PLXNA4: variants seen among roughly 807,000 people sequenced by gnomAD.
PLXNA4 encodes the protein plexin-A4.
PLXNA4 carries 44 observed loss-of-function variants against 191.8 expected under a neutral mutation model. The observed-to-expected ratio is 0.23, with a 90% CI of 0.18 to 0.29. The LOEUF is 0.29. PLXNA4 is among the 10% of genes least tolerant of loss of function. The pLI, the probability that PLXNA4 is intolerant of heterozygous loss-of-function variation, is 1.00. For missense variants in PLXNA4, 1,800 were observed against 2,488.8 expected, an observed-to-expected ratio of 0.72 and a Z score of 5.89; for synonymous variants, 1,082 against 1,009.5, an observed-to-expected ratio of 1.07 and a Z score of -1.36.
chr7:132,170,508 T>C (rs1490847643), intron 21 of PLXNA4, among the ~76,000 whole-genome samples: 2 of 152,152 alleles, frequency 1.3e-5, no homozygotes, highest in African/African-American at 2.4e-5. Flanking sequence ...CTGGGAAAAA[T>C]GGAGATGGCC....
At chr7:132,581,333 A>G (rs1446722826), upstream of PLXNA4, among the ~76,000 whole-genome samples, 1 of 152,236 alleles carries the variant, frequency 6.6e-6, no homozygotes, top group African/African-American at 2.4e-5. Context: ...AGTAGACCCA[A>G]CTGTTCCAGG....
intron 1 of PLXNA4, among the ~76,000 whole-genome samples, chr7:132,560,893 G>A (rs1801009475): frequency 6.6e-6 from 1 of 152,032 alleles, no homozygotes; most frequent in African/African-American, 2.4e-5. Flanking sequence ...TCTCTCCTTT[G>A]CCACCCCCTT....
chr7:132,450,846 C>T (rs1290392125), intron 3 of PLXNA4, among the ~76,000 whole-genome samples: 1 of 152,182 alleles, frequency 6.6e-6, no homozygotes, highest in Non-Finnish European at 1.5e-5. Context: ...GCTCCCTGAG[C>T]AAGTCGGAGG....
At chr7:132,614,862 TGC>T (rs1803120799) in intron 2 of PLXNA4, among the ~76,000 whole-genome samples, 1 of 152,172 alleles carries the variant, frequency 6.6e-6, no homozygotes, top group Admixed American at 6.5e-5. Flanking sequence ...GAAGCAGATG[TGC>T]AGAGAGGCGG....
chr7:132,492,896 T>A (rs1563131258), intron 2 of PLXNA4, among the ~76,000 whole-genome samples: 1 of 152,032 alleles, frequency 6.6e-6, no homozygotes, highest in Non-Finnish European at 1.5e-5. Flanking sequence ...GGAACAGGGG[T>A]AGAATGGCTG....
chr7:132,498,055 A>G (rs1057453236), intron 2 of PLXNA4, among the ~76,000 whole-genome samples: 1 of 152,188 alleles, frequency 6.6e-6, no homozygotes, highest in African/African-American at 2.4e-5. Flanking sequence ...CCTTGGCTTC[A>G]CTTTCCATGG....
At chr7:132,199,412 GTCAAAGT>G (rs1386638197) in intron 12 of PLXNA4, among the ~76,000 whole-genome samples, 3 of 152,140 alleles carry the variant, frequency 2.0e-5, no homozygotes, top group African/African-American at 7.2e-5. Context: ...TCGTACACAG[GTCAAAGT>G]GTACTGGCTT....
chr7:132,479,222 T>G (rs1302663354), intron 3 of PLXNA4, among the ~76,000 whole-genome samples: 1 of 150,762 alleles, frequency 6.6e-6, no homozygotes, highest in African/African-American at 2.4e-5. Context: ...TGAGTTAGGA[T>G]AGCACCACTT....
intron 4 of PLXNA4, among the ~76,000 whole-genome samples, chr7:132,253,678 G>A (rs1308356045): frequency 6.6e-6 from 1 of 152,128 alleles, no homozygotes; most frequent in Non-Finnish European, 1.5e-5. Context: ...CCATGGGGGA[G>A]TTTTCTCCTT....
chr7:132,431,662 C>A (rs1006186570), intron 3 of PLXNA4, among the ~76,000 whole-genome samples: 1 of 152,136 alleles, frequency 6.6e-6, no homozygotes, highest in African/African-American at 2.4e-5. Context: ...CTCATGCTCA[C>A]GATTTAGGCC....
intron 3 of PLXNA4, among the ~76,000 whole-genome samples, chr7:132,452,140 A>G (rs561221636): frequency 6.6e-6 from 1 of 152,368 alleles, no homozygotes; most frequent in African/African-American, 2.4e-5. Flanking sequence ...GTAGAGAAAG[A>G]AGATGTTTTC....
intron 3 of PLXNA4, among the ~76,000 whole-genome samples, chr7:132,335,071 C>T (rs1256665660): frequency 1.3e-5 from 2 of 152,162 alleles, no homozygotes; most frequent in African/African-American, 4.8e-5. Context: ...TGAAGTCAAA[C>T]TTGATACTCC....
At chr7:132,305,799 CA>C (rs1351343201) in intron 3 of PLXNA4, among the ~76,000 whole-genome samples, 2 of 152,148 alleles carry the variant, frequency 1.3e-5, no homozygotes, top group Admixed American at 6.5e-5. Context: ...CCCTAATGAG[CA>C]AACAGTGCTA....
At chr7:132,155,654 C>T (rs1034420519) in intron 25 of PLXNA4, among the ~76,000 whole-genome samples, 1 of 152,126 alleles carries the variant, frequency 6.6e-6, no homozygotes. Flanking sequence ...GGGCACTGTG[C>T]CTTAGAGCTC....
Position 132,588,742 on chromosome 7 carries a change from AAGAAAGAG to A in PLXNA4, c.-87+57178_-87+57185del, listed in dbSNP as rs1304129522. Among the ~76,000 whole-genome samples, 17 of 150,616 alleles carry A rather than the reference AAGAAAGAG, an allele frequency of 1.1e-4. 1 individual carries two copies. The highest frequency in any genetic ancestry group is 2.7e-4 in the African/African-American group (11 of 40,662). On this transcript the variant is annotated intron_variant, in intron 2 of 4. Transcript: ENST00000378539. Reference sequence around the variant, plus strand: ...AAAGGAAAAGAAAAAAAGAAAAAGAAAGAAAGAGAGAAAGAGAGAAAAAGAAAGAAAGA... The same window carrying A: ...AAAGGAAAAGAAAAAAAGAAAAAGAAAGAAAGAGAGAAAAAGAAAGAAAGA...
chr7:132,343,657 G>A (rs889549999), intron 3 of PLXNA4, among the ~76,000 whole-genome samples: 11 of 152,156 alleles, frequency 7.2e-5, no homozygotes, highest in Admixed American at 4.6e-4. Flanking sequence ...AGTGCCTCAC[G>A]CCTGTAAATC....
chr7:132,577,590 C>T (rs1345614636), upstream of PLXNA4, among the ~76,000 whole-genome samples: 1 of 152,146 alleles, frequency 6.6e-6, no homozygotes, highest in Non-Finnish European at 1.5e-5. Flanking sequence ...TGCCGGCTCT[C>T]CTCCGCACCA....
intron 2 of PLXNA4, among the ~76,000 whole-genome samples, chr7:132,598,401 G>A (rs562983384): frequency 7.2e-5 from 11 of 152,238 alleles, no homozygotes; most frequent in Admixed American, 2.0e-4. Flanking sequence ...GAGCCACTGC[G>A]CCTGGCCAAA....
intron 1 of PLXNA4, among the ~76,000 whole-genome samples, chr7:132,515,326 C>A (rs1798894643): frequency 6.6e-6 from 1 of 152,148 alleles, no homozygotes; most frequent in Admixed American, 6.5e-5. Flanking sequence ...ATAAATGTCT[C>A]AATTGTGTCC....
Sources: allele counts gnomAD v4.1 joint callset (sites outside exome capture counted in the v4.1 genomes callset), GRCh38; gene constraint gnomAD v4.1.1; transcripts MANE v1.5; gene names NCBI Gene and HGNC (gene_info 2026-07-23, HGNC 2026-07-21).